The following ADARB2 variants were observed in gnomAD, a reference collection of about 807,000 sequenced individuals.
ADARB2 encodes the protein adenosine deaminase RNA specific B2 (inactive), also known as inactive double-stranded RNA-specific editase B2.
A neutral mutation model predicts 62.2 loss-of-function variants in ADARB2; 25 were observed. The observed-to-expected ratio is 0.40, with a 90% CI of 0.29 to 0.56. The LOEUF is 0.56. ADARB2 is among the 20% of genes least tolerant of loss of function. ADARB2 has a pLI of 0.43. For missense variants in ADARB2, 1,071 were observed against 1,077.4 expected (o/e 0.99, Z 0.08); for synonymous variants, 572 against 500.8 (o/e 1.14, Z -1.90).
intron 1 of ADARB2, among the ~76,000 whole-genome samples, chr10:1,491,020 C>T (rs991399259): frequency 1.2e-4 from 18 of 152,080 alleles, no homozygotes; most frequent in Non-Finnish European, 2.2e-4. Context: ...AGAGGAAATG[C>T]CTTCTGCAGT....
intron 2 of ADARB2, among the ~76,000 whole-genome samples, chr10:1,369,414 C>T (rs1411446159): frequency 6.6e-6 from 1 of 152,110 alleles, no homozygotes; most frequent in Admixed American, 6.5e-5. Context: ...CTATCGGCCT[C>T]CCCTCTTCAT....
chr10:1,305,150 A>G (rs1316692649), intron 3 of ADARB2, among the ~76,000 whole-genome samples: 2 of 145,742 alleles, frequency 1.4e-5, no homozygotes, highest in South Asian at 2.4e-4. Context: ...TTGATAGACC[A>G]CTAGCAAGAC....
At chr10:1,565,711 G>T (rs1301744143) in intron 1 of ADARB2, among the ~76,000 whole-genome samples, 1 of 152,042 alleles carries the variant, frequency 6.6e-6, no homozygotes, top group Non-Finnish European at 1.5e-5. Context: ...AATTTGTCCC[G>T]GCTGACTATA....
At chr10:1,281,070 G>T (rs757169040) in intron 3 of ADARB2, among the ~76,000 whole-genome samples, 1 of 152,240 alleles carries the variant, frequency 6.6e-6, no homozygotes, top group Non-Finnish European at 1.5e-5. Context: ...TCAAATTGAA[G>T]ACTTATGCAA....
chr10:1,604,502 C>T (rs1359802908), intron 1 of ADARB2, among the ~76,000 whole-genome samples: 1 of 152,154 alleles, frequency 6.6e-6, no homozygotes, highest in Non-Finnish European at 1.5e-5. Flanking sequence ...TGGAGAATTA[C>T]TCCAGGGAGA....
intron 1 of ADARB2, among the ~76,000 whole-genome samples, chr10:1,646,442 G>C (rs1165760455): frequency 6.6e-6 from 1 of 152,248 alleles, no homozygotes; most frequent in Non-Finnish European, 1.5e-5. Flanking sequence ...AATAGGAAGA[G>C]AGCAAATCAG....
intron 1 of ADARB2, among the ~76,000 whole-genome samples, chr10:1,671,694 C>A (rs911322300): frequency 6.6e-6 from 1 of 152,228 alleles, no homozygotes. Flanking sequence ...ATCGGTGCCA[C>A]CTTTCCAGCT....
At chr10:1,489,894 C>G (rs1245961268) in intron 1 of ADARB2, among the ~76,000 whole-genome samples, 2 of 152,182 alleles carry the variant, frequency 1.3e-5, no homozygotes. Flanking sequence ...GGTCAAAATA[C>G]TGTGGGATAT....
Position 1,737,517 on chromosome 10 carries a change from GC to G in ADARB2, c.-368del, listed in dbSNP as rs1835317277. 4.1e-6 allele frequency: 1 copy of G among 245,788 alleles called. No homozygotes were observed. Among genetic ancestry groups the G allele is most frequent in the Admixed American group, 5.0e-5 (1 of 20,130 alleles). The allele number at this position is 245,788 out of a possible 1,614,324, so 15.2% of individuals were successfully genotyped here. On this transcript the variant is annotated 5_prime_UTR_variant, in exon 1 of 10. Transcript: ENST00000381312. ...CGCCTCTGCTAGTTGTTTGGCACCA[GC>G]CACTTTGAAGCCAATCACGCAGGGA... is the stretch of plus-strand genomic sequence containing the variant.
chr10:1,190,683 G>A (rs1408828537), intron 8 of ADARB2, among the ~76,000 whole-genome samples: 2 of 152,152 alleles, frequency 1.3e-5, no homozygotes, highest in African/African-American at 2.4e-5. Flanking sequence ...ATCTCTGCCT[G>A]CATCCTCACC....
intron 1 of ADARB2, among the ~76,000 whole-genome samples, chr10:1,507,448 G>T (rs1370288548): frequency 6.6e-6 from 1 of 152,212 alleles, no homozygotes; most frequent in Admixed American, 6.5e-5. Flanking sequence ...CCCAGCTTCT[G>T]CTCACACTGC....
intron 1 of ADARB2, among the ~76,000 whole-genome samples, chr10:1,656,427 G>A (rs1834172787): frequency 6.6e-6 from 1 of 152,062 alleles, no homozygotes; most frequent in Non-Finnish European, 1.5e-5. Flanking sequence ...CTCATATTGT[G>A]CTAATTTTAC....
chr10:1,394,872 T>C (rs1021354507), intron 1 of ADARB2: 2 of 457,126 alleles, frequency 4.4e-6, no homozygotes, highest in Non-Finnish European at 4.4e-6. Flanking sequence ...GCACAGGTCA[T>C]TTTTTCTTTT....
At chr10:1,306,815 A>G (rs1239081828) in intron 3 of ADARB2, among the ~76,000 whole-genome samples, 1 of 151,590 alleles carries the variant, frequency 6.6e-6, no homozygotes, top group Non-Finnish European at 1.5e-5. Flanking sequence ...AAACCTGACA[A>G]AAACAGGCAA....
intron 2 of ADARB2, among the ~76,000 whole-genome samples, chr10:1,370,369 A>G (rs910637346): frequency 1.3e-5 from 2 of 152,248 alleles, no homozygotes; most frequent in African/African-American, 4.8e-5. Context: ...AAAAGTTGAA[A>G]GCATTTCCCT....
At chr10:1,545,809 C>T (rs1261220028) in intron 1 of ADARB2, among the ~76,000 whole-genome samples, 3 of 152,292 alleles carry the variant, frequency 2.0e-5, no homozygotes, top group Non-Finnish European at 4.4e-5. Flanking sequence ...CCTGCACTCT[C>T]TAGTGTTGGG....
intron 1 of ADARB2, among the ~76,000 whole-genome samples, chr10:1,379,556 T>A (rs1312915022): frequency 6.6e-6 from 1 of 152,212 alleles, no homozygotes; most frequent in East Asian, 1.9e-4. Context: ...TAAAAGAGAA[T>A]GGTGCCAATA....
intron 4 of ADARB2, among the ~76,000 whole-genome samples, chr10:1,256,696 G>A (rs1436785339): frequency 2.0e-5 from 3 of 152,036 alleles, no homozygotes; most frequent in Non-Finnish European, 4.4e-5. Context: ...ATATAAATAT[G>A]GTAATTACAC....
rs191460366 is a variant in ADARB2, at chr10:1,286,512, G to A, written c.1078-15443C>T. On this transcript the variant is annotated intron_variant, in intron 3 of 9. Transcript: ENST00000381312. ...TCTAAATCTCAAATTACCTAAAGGC[G>A]GATGGCAAATTTGAGTGAAGGCATG... Among the ~76,000 whole-genome samples the A allele has an allele frequency of 1.2e-4, 19 of 152,210 alleles. No homozygotes were observed. The East Asian group carries it at 1.9e-3, about 15-fold the overall frequency.
Sources: allele counts gnomAD v4.1 joint callset (sites outside exome capture counted in the v4.1 genomes callset), GRCh38; gene constraint gnomAD v4.1.1; transcripts MANE v1.5; gene names NCBI Gene and HGNC (gene_info 2026-07-23, HGNC 2026-07-21).